TBC1D19: variants seen among roughly 807,000 people sequenced by gnomAD.
TBC1D19 encodes the protein TBC1 domain family, member 19.
Under a neutral mutation model 89.0 loss-of-function variants are expected in TBC1D19, and 60 were observed. That is an observed-to-expected ratio of 0.67 (90% CI 0.55 to 0.84). The LOEUF is 0.84. TBC1D19 is among the 40% of genes least tolerant of loss of function. The pLI is 0.00. For missense variants in TBC1D19, 500 were observed against 610.8 expected (o/e 0.82, Z 1.91); for synonymous variants, 189 against 199.7 (o/e 0.95, Z 0.45).
At chr4:26,802,137 G>A in the TBC1D19 span, among the ~76,000 whole-genome samples, 1 of 152,036 alleles carries the variant, frequency 6.6e-6, no homozygotes, top group African/African-American at 2.4e-5. Flanking sequence ...TAGATACACA[G>A]AAGTATACTA....
At chr4:26,828,690 A>T in the TBC1D19 span, among the ~76,000 whole-genome samples, 2 of 152,024 alleles carry the variant, frequency 1.3e-5, no homozygotes, top group Non-Finnish European at 2.9e-5. Context: ...TTACTTGACC[A>T]CTCCGTGCAT....
At chr4:26,683,959 A>T (rs1188790734) in intron 12 of TBC1D19, among the ~76,000 whole-genome samples, 1 of 152,150 alleles carries the variant, frequency 6.6e-6, no homozygotes, top group Admixed American at 6.5e-5. Context: ...AGCTGTCTTC[A>T]TGATTCTTTC....
intron 19 of TBC1D19, among the ~76,000 whole-genome samples, chr4:26,749,776 A>G (rs1302075451): frequency 1.3e-5 from 2 of 152,112 alleles, no homozygotes; most frequent in Admixed American, 6.5e-5. Context: ...TGAGAAGTCT[A>G]TAGTTATAGT....
At chr4:26,811,014 C>G in the TBC1D19 span, among the ~76,000 whole-genome samples, 1 of 152,120 alleles carries the variant, frequency 6.6e-6, no homozygotes, top group African/African-American at 2.4e-5. Flanking sequence ...GGTATATACC[C>G]AAAGGATTAT....
At chr4:26,666,433 T>G in intron 9 of TBC1D19, 28 bp downstream of exon 9, 1 of 1,577,420 alleles carries the variant, frequency 6.3e-7, no homozygotes, top group East Asian at 2.2e-5. Context: ...GGCATATAAT[T>G]AATGATAAAT....
chr4:26,608,865 A>G (rs1455211935), intron 1 of TBC1D19, among the ~76,000 whole-genome samples: 1 of 151,600 alleles, frequency 6.6e-6, no homozygotes, highest in Non-Finnish European at 1.5e-5. Context: ...TGCTGCTATA[A>G]AGACACATGC....
Position 26,621,348 on chromosome 4 carries a change from C to G in TBC1D19, c.294+660C>G, listed in dbSNP as rs571384575. Among the ~76,000 whole-genome samples, 344 of 152,322 alleles carry G rather than the reference C, an allele frequency of 2.3e-3. 2 individuals carry two copies. The highest frequency in any genetic ancestry group is 6.8e-3 in the Middle Eastern group (2 of 294). On this transcript the variant is annotated intron_variant, in intron 4 of 20. Transcript: ENST00000264866. ...CAGTCCTGTCCGTAAGCCTTCCTCA[C>G]AGTGCTGGTTGAGTAGGACTCTGTG...
chr4:26,682,945 T>A (rs1713484237), intron 11 of TBC1D19, among the ~76,000 whole-genome samples: 2 of 152,236 alleles, frequency 1.3e-5, no homozygotes, highest in South Asian at 4.2e-4. Context: ...TTCTTGTATT[T>A]ATTTATTTAT....
chr4:26,595,803 TC>T (rs1740169740), intron 1 of TBC1D19, among the ~76,000 whole-genome samples: 1 of 152,178 alleles, frequency 6.6e-6, no homozygotes, highest in Admixed American at 6.5e-5. Context: ...TCTATTCTGT[TC>T]TGTTGATCTA....
chr4:26,742,656 T>C (rs993195055), intron 18 of TBC1D19, 57 bp downstream of exon 18: 2 of 1,445,458 alleles, frequency 1.4e-6, no homozygotes, highest in Admixed American at 1.8e-5. Context: ...AGCTCTTTTT[T>C]CCTCATTGCA....
At chr4:26,710,252 A>G (rs907426286) in intron 13 of TBC1D19, among the ~76,000 whole-genome samples, 14 of 151,954 alleles carry the variant, frequency 9.2e-5, no homozygotes, top group Admixed American at 8.5e-4. Flanking sequence ...TCATTGTTCA[A>G]TTCCCACCTA....
At chr4:26,782,677 G>A in the TBC1D19 span, among the ~76,000 whole-genome samples, 1 of 151,946 alleles carries the variant, frequency 6.6e-6, no homozygotes, top group East Asian at 1.9e-4. Flanking sequence ...TGTTTCTAGT[G>A]ACTAATCATT....
chr4:26,605,699 A>C (rs1473805910), intron 1 of TBC1D19, among the ~76,000 whole-genome samples: 2 of 152,158 alleles, frequency 1.3e-5, no homozygotes, highest in African/African-American at 4.8e-5. Flanking sequence ...ATTTCTCCAC[A>C]AACTCTCCAG....
intron 1 of TBC1D19, among the ~76,000 whole-genome samples, chr4:26,602,658 T>C (rs1424353122): frequency 6.6e-6 from 1 of 151,952 alleles, no homozygotes; most frequent in African/African-American, 2.4e-5. Flanking sequence ...GCCAGGATGG[T>C]CTCAATCTCC....
chr4:26,608,074 A>C (rs1741120773), intron 1 of TBC1D19, among the ~76,000 whole-genome samples: 2 of 152,184 alleles, frequency 1.3e-5, no homozygotes, highest in Admixed American at 1.3e-4. Context: ...TGTTATGCAG[A>C]ATTTTAGCAG....
intron 13 of TBC1D19, among the ~76,000 whole-genome samples, chr4:26,702,840 T>C (rs1043432851): frequency 6.6e-6 from 1 of 152,222 alleles, no homozygotes; most frequent in Non-Finnish European, 1.5e-5. Flanking sequence ...AGAAACATTA[T>C]ACCAATTGAA....
intron 20 of TBC1D19, 138 bp from the exon 21 acceptor site, chr4:26,754,735 G>C: frequency 1.6e-6 from 1 of 606,894 alleles, no homozygotes; most frequent in South Asian, 2.6e-5. Context: ...AAAAGAGAAG[G>C]AAAGTTGTAG....
At chr4:26,596,077 C>CA (rs1306400164) in intron 1 of TBC1D19, among the ~76,000 whole-genome samples, 1 of 152,128 alleles carries the variant, frequency 6.6e-6, no homozygotes, top group African/African-American at 2.4e-5. Flanking sequence ...CTGCCTCAGC[C>CA]TCTAGAGTAG....
the TBC1D19 span, among the ~76,000 whole-genome samples, chr4:26,820,585 T>G: frequency 3.3e-5 from 5 of 152,362 alleles, no homozygotes; most frequent in African/African-American, 1.2e-4. Context: ...TTTAAAAATC[T>G]ATTTATCCAT....
Sources: allele counts gnomAD v4.1 joint callset (sites outside exome capture counted in the v4.1 genomes callset), GRCh38; gene constraint gnomAD v4.1.1; transcripts MANE v1.5; gene names NCBI Gene and HGNC (gene_info 2026-07-23, HGNC 2026-07-21).